The following TNRC18 variants were observed in gnomAD, a reference collection of about 807,000 sequenced individuals.
The protein encoded by TNRC18 is trinucleotide repeat containing 18.
A neutral mutation model predicts 226.7 loss-of-function variants in TNRC18; 69 were observed. The ratio of observed to expected loss-of-function variants is 0.30; its 90% CI spans 0.25 to 0.37. TNRC18 has a LOEUF of 0.37. TNRC18 is among the 10% of genes least tolerant of loss of function. The pLI, the probability that TNRC18 is intolerant of heterozygous loss-of-function variation, is 1.00. For missense variants in TNRC18, 4,754 were observed against 4,256.6 expected (o/e 1.12, Z -3.25); for synonymous variants, 2,449 against 1,927.6 (o/e 1.27, Z -7.09).
At chr7:5,333,126 T>C in intron 18 of TNRC18, 77 bp from the exon 19 acceptor site, 2 of 1,473,282 alleles carry the variant, frequency 1.4e-6, no homozygotes, top group Admixed American at 2.0e-5. Flanking sequence ...ATGGACACCA[T>C]TCCTCCCCGG....
At chr7:5,396,563 C>G (rs1486908529) in intron 2 of TNRC18, among the ~76,000 whole-genome samples, 1 of 152,090 alleles carries the variant, frequency 6.6e-6, no homozygotes, top group Non-Finnish European at 1.5e-5. Context: ...AGCCATGGCA[C>G]CCATTCGCTA....
intron 18 of TNRC18, among the ~76,000 whole-genome samples, chr7:5,342,571 G>C (rs1218024425): frequency 2.6e-5 from 4 of 152,218 alleles, no homozygotes; most frequent in African/African-American, 9.6e-5. Flanking sequence ...CTGGAGATGG[G>C]ACTGAATTGT....
intron 18 of TNRC18, 48 bp downstream of exon 18, chr7:5,345,514 T>TCCGCC: frequency 2.6e-6 from 1 of 379,348 alleles, no homozygotes. Context: ...GGCAATGGCG[T>TCCGCC]CCGCCCCTCC....
Position 5,377,988 on chromosome 7 carries a change from C to T in TNRC18, c.2189G>A (p.Arg730Gln), listed in dbSNP as rs767740444. 1.8e-5 allele frequency: 29 copies of T among 1,612,908 alleles called. No homozygotes were observed. The highest frequency in any genetic ancestry group is 1.3e-4 in the South Asian group (12 of 91,074). The part of the protein sequence containing the change: ...GRADEDCVDD[R>Q]ARHREERLLG... ...CAGCCGTTCCTCCCGGTGTCTGGCCCGGTCGTCCACACAGTCCTCATCTGC... is the reference window on the plus strand; with the variant it reads ...CAGCCGTTCCTCCCGGTGTCTGGCCTGGTCGTCCACACAGTCCTCATCTGC... The change falls in exon 6 of 30, where the codon CGG becomes CAG. Residue 730 changes from arginine to glutamine, a missense_variant. Transcript: ENST00000430969. This position sits in a 1 kb window ranked among gnomAD's most constrained non-coding sequence, Gnocchi z 5.8.
At chr7:5,310,490 C>A (rs919545056) in intron 27 of TNRC18, among the ~76,000 whole-genome samples, 17 of 152,166 alleles carry the variant, frequency 1.1e-4, no homozygotes, top group Admixed American at 1.1e-3. Flanking sequence ...CTGCCTGGGC[C>A]TCCCAGAGTG....
intron 2 of TNRC18, among the ~76,000 whole-genome samples, chr7:5,395,743 G>C (rs1040832384): frequency 6.6e-6 from 1 of 152,220 alleles, no homozygotes; most frequent in Non-Finnish European, 1.5e-5. Context: ...TATAATCCCA[G>C]CACTCTGGGA....
chr7:5,373,986 A>G, intron 10 of TNRC18, 69 bp downstream of exon 10: 1 of 1,273,550 alleles, frequency 7.9e-7, no homozygotes, highest in Non-Finnish European at 1.0e-6. Flanking sequence ...GGGTCAATGA[A>G]AAGATGGATG....
At chr7:5,402,204 A>G (rs1481857615) in intron 2 of TNRC18, among the ~76,000 whole-genome samples, 1 of 148,484 alleles carries the variant, frequency 6.7e-6, no homozygotes. Context: ...AAAAAAAAGA[A>G]CAGCCTGGGC....
intron 21 of TNRC18, among the ~76,000 whole-genome samples, chr7:5,323,612 G>C (rs1020381741): frequency 4.3e-5 from 6 of 138,264 alleles, no homozygotes; most frequent in African/African-American, 1.4e-4. Context: ...GCCCAGGCTG[G>C]AGTGCAATGC....
In TNRC18 at chr7:5,312,805, G is replaced by A. The variant is rs771749801; in HGVS notation, c.8086C>T (p.Gln2696Ter). The A allele has an allele frequency of 6.5e-7, 1 of 1,534,364 alleles. No homozygotes were observed. The highest frequency in any genetic ancestry group is 8.7e-7 in the Non-Finnish European group (1 of 1,144,632). ...APAPTAGPSAQAALPTKATKQ... is the reference protein window; with the variant it reads ...APAPTAGPSA ...GTGGCCTTGGTGGGGAGCGCCGCCT[G>A]CGCGGAAGGGCCAGCCGTGGGGGCG... Residue 2696 changes from glutamine to a stop codon, truncating the protein, a stop_gained, in exon 27 of 30, where the codon CAG (glutamine) becomes TAG (stop). Coordinates refer to ENST00000430969, the MANE Select transcript of TNRC18 (RefSeq NM_001080495.3). LOFTEE classifies it high-confidence loss of function. This position sits in a 1 kb window ranked among gnomAD's most constrained non-coding sequence, Gnocchi z 6.3.
chr7:5,367,181 A>G (rs1448017688), intron 11 of TNRC18, among the ~76,000 whole-genome samples: 1 of 152,040 alleles, frequency 6.6e-6, no homozygotes, highest in East Asian at 2.0e-4. Flanking sequence ...CATGGCCAAC[A>G]TGGGGAAACC....
At chr7:5,331,013 C>T (rs1789472404) in intron 19 of TNRC18, among the ~76,000 whole-genome samples, 4 of 152,110 alleles carry the variant, frequency 2.6e-5, no homozygotes. Flanking sequence ...TGACACCTGT[C>T]CTGCAAGGCC....
chr7:5,310,531 G>A (rs561164134), intron 27 of TNRC18, among the ~76,000 whole-genome samples: 14 of 152,056 alleles, frequency 9.2e-5, no homozygotes, highest in South Asian at 6.2e-4. Flanking sequence ...CACTGCGCCC[G>A]GCTAAAACTA....
At chr7:5,314,548 G>C (rs1369291497) in intron 26 of TNRC18, among the ~76,000 whole-genome samples, 5 of 150,564 alleles carry the variant, frequency 3.3e-5, no homozygotes, top group Non-Finnish European at 5.9e-5. Context: ...TGCAGTGCAG[G>C]TGCAGAGTTC....
intron 2 of TNRC18, chr7:5,407,488 C>G (rs1781553196): frequency 2.6e-5 from 4 of 152,204 alleles, no homozygotes; most frequent in Admixed American, 2.0e-4. Flanking sequence ...TGAGCAGATT[C>G]CCAAAGATCC....
rs528615903 is a variant in TNRC18 at position 5,349,952 on chromosome 7, A to G, written c.5470+1867T>C. On this transcript the variant is annotated intron_variant, in intron 17 of 29. Transcript: ENST00000430969. ...CTCCCCTCACCCCCCGCACTCCCCT[A>G]TCTGGGTCCCGTCCACTTGGCACTG... 6.6e-4 allele frequency among the ~76,000 whole-genome samples: 100 copies of G among 152,060 alleles called. 1 individual carries two copies. Among genetic ancestry groups the G allele is most frequent in the African/African-American group, 2.3e-3 (96 of 41,504 alleles).
chr7:5,387,450 C>T (rs538499764), intron 5 of TNRC18, among the ~76,000 whole-genome samples: 1 of 152,288 alleles, frequency 6.6e-6, no homozygotes, highest in South Asian at 2.1e-4. Context: ...AGCAACGTTC[C>T]GAACACAAAA....
chr7:5,325,365 A>G (rs1788793998), intron 19 of TNRC18, 117 bp from the exon 20 acceptor site: 1 of 1,185,064 alleles, frequency 8.4e-7, no homozygotes, highest in Non-Finnish European at 1.2e-6. Flanking sequence ...GCGCCCTCCC[A>G]GGAGGAACAA....
At chr7:5,414,510 T>C (rs1237772917) in intron 2 of TNRC18, among the ~76,000 whole-genome samples, 1 of 152,012 alleles carries the variant, frequency 6.6e-6, no homozygotes, top group Non-Finnish European at 1.5e-5. Flanking sequence ...CCTCCCAGGT[T>C]CACGCCATTC....
Sources: allele counts gnomAD v4.1 joint callset (sites outside exome capture counted in the v4.1 genomes callset), GRCh38; gene constraint gnomAD v4.1.1; non-coding constraint Gnocchi (gnomAD v3.1); transcripts MANE v1.5; gene names NCBI Gene and HGNC (gene_info 2026-07-23, HGNC 2026-07-21).